PTPN9: variants seen among roughly 807,000 people sequenced by gnomAD.
PTPN9 encodes the protein tyrosine-protein phosphatase non-receptor type 9.
Under a neutral mutation model 69.8 loss-of-function variants are expected in PTPN9, and 26 were observed. That is an observed-to-expected ratio of 0.37 (90% confidence interval 0.27 to 0.52). The LOEUF (loss-of-function observed/expected upper bound fraction) is 0.52, where lower values mean the gene tolerates loss of function less well. PTPN9 is among the 20% of genes least tolerant of loss of function. The pLI, the probability that PTPN9 is intolerant of heterozygous loss-of-function variation, is 0.91. For synonymous variants in PTPN9, 274 were observed against 272.5 expected (o/e 1.01, Z -0.05); for missense variants, 549 against 740.3 (o/e 0.74, Z 3.00).
Position 75,523,232 on chromosome 15 carries a change from G to A in PTPN9, c.311C>T (p.Pro104Leu). ...AAAGAGGGCAATGGAGGCTCCTGTT[G>A]GGTCCCGAACATTCTAAAGCAAATA... ...GKFTILNVRDPTGASIALFTA... is the reference protein window; with the variant it reads ...GKFTILNVRDLTGASIALFTA... The change falls in exon 4 of 13, where the codon CCA becomes CTA. Residue 104 changes from proline to leucine, a missense_variant. Pro to Leu is a moderately conservative substitution (Grantham distance 98). This residue lies in a region of PTPN9 where 457 missense variants were observed against 661.9 expected (regional missense o/e 0.69). Coordinates refer to ENST00000618819, the MANE Select transcript of PTPN9 (RefSeq NM_002833.4). 6.2e-7 allele frequency: 1 copy of A among 1,613,768 alleles called. No individual in the cohort carries two copies. The highest frequency in any genetic ancestry group is 8.5e-7 in the Non-Finnish European group (1 of 1,179,908).
intron 1 of PTPN9, among the ~76,000 whole-genome samples, chr15:75,559,768 C>CAAAAAA (rs5813803): frequency 8.4e-5 from 8 of 94,900 alleles, no homozygotes; most frequent in South Asian, 3.2e-4. Context: ...GAATGGTCAA[C>CAAAAAA]AAAAAAAAAA....
chr15:75,532,045 GAA>G (rs1052675847), intron 1 of PTPN9, among the ~76,000 whole-genome samples: 3 of 152,108 alleles, frequency 2.0e-5, no homozygotes, highest in Non-Finnish European at 2.9e-5. Flanking sequence ...AGTAGAAGTG[GAA>G]AATGTAAATG....
chr15:75,477,833 C>CTTTTTTTTTT (rs1196645006), intron 9 of PTPN9, among the ~76,000 whole-genome samples: 1 of 91,798 alleles, frequency 1.1e-5, no homozygotes, highest in Non-Finnish European at 2.1e-5. Context: ...ATCAGATACT[C>CTTTTTTTTTT]TTTTTTTTTT....
Position 75,468,287 on chromosome 15 carries a change from GCC to G in PTPN9, c.*480_*481del, listed in dbSNP as rs2074545900. 6.0e-6 allele frequency: 1 copy of G among 165,958 alleles called. No homozygotes were observed. Among genetic ancestry groups the G allele is most frequent in the Non-Finnish European group, 1.3e-5 (1 of 75,098 alleles). The allele number at this position is 165,958 out of a possible 1,614,324, so 10.3% of individuals were successfully genotyped here. A position where few individuals can be genotyped will look rare whatever the true frequency, so the allele number is the denominator to read the frequency against. The stretch of plus-strand genomic sequence containing the variant: ...AATGACAGAAAGGACTGGAATACAC[GCC>G]CTACTTATAAACGTGCTTGGCACTC... On this transcript the variant is annotated 3_prime_UTR_variant, in exon 13 of 13. Transcript: ENST00000618819.
intron 7 of PTPN9, among the ~76,000 whole-genome samples, chr15:75,492,966 C>A (rs1470914733): frequency 2.0e-5 from 3 of 151,934 alleles, no homozygotes; most frequent in African/African-American, 7.2e-5. Context: ...CCAGCCTGGG[C>A]AACATAGCAA....
Position 75,506,115 on chromosome 15 carries a change from G to C in PTPN9, c.640-112C>G. On this transcript the variant is annotated intron_variant, in intron 6 of 12. Coordinates refer to ENST00000618819, the MANE Select transcript of PTPN9 (RefSeq NM_002833.4). ...TTGGAGGATGGGATAAGATTTTCTT[G>C]AAATACAAGGTATACTTGTAAAAGT... 3 of 803,004 alleles carry C rather than the reference G, an allele frequency of 3.7e-6. No homozygotes were observed. In the South Asian group the frequency reaches 5.5e-5, roughly 15 times the overall value. The allele number at this position is 803,004 out of a possible 1,614,324, so 49.7% of individuals were successfully genotyped here.
intron 1 of PTPN9, among the ~76,000 whole-genome samples, chr15:75,538,198 C>T (rs12708520): frequency 0.35 from 53,228 of 151,860 alleles, 10,584 homozygotes; most frequent in African/African-American, 0.53. Context: ...TTTATGTTAA[C>T]AGGAAAGGAA....
intron 1 of PTPN9, among the ~76,000 whole-genome samples, chr15:75,547,526 CATCCAA>C (rs2075038882): frequency 6.6e-6 from 1 of 152,046 alleles, no homozygotes; most frequent in Non-Finnish European, 1.5e-5. Flanking sequence ...TACATTTTCT[CATCCAA>C]AAAAGGAAAC....
At chr15:75,499,314 A>G (rs2074760272) in intron 7 of PTPN9, among the ~76,000 whole-genome samples, 1 of 151,738 alleles carries the variant, frequency 6.6e-6, no homozygotes, top group Non-Finnish European at 1.5e-5. Context: ...AAGACTAGGA[A>G]GTCCTCTCAT....
chr15:75,539,962 G>A (rs1398359961), intron 1 of PTPN9, among the ~76,000 whole-genome samples: 1 of 152,214 alleles, frequency 6.6e-6, no homozygotes, highest in African/African-American at 2.4e-5. Context: ...TTATAGGCAA[G>A]AGCCGCCACG....
chr15:75,532,850 T>G (rs1263550589), intron 1 of PTPN9, among the ~76,000 whole-genome samples: 1 of 152,212 alleles, frequency 6.6e-6, no homozygotes, highest in Non-Finnish European at 1.5e-5. Context: ...TTTAGACAGT[T>G]AATCAGATTT....
chr15:75,476,017 T>C (rs989553290), intron 9 of PTPN9, among the ~76,000 whole-genome samples: 1 of 152,090 alleles, frequency 6.6e-6, no homozygotes, highest in African/African-American at 2.4e-5. Flanking sequence ...CACATGCCTG[T>C]AGTCCCAGCT....
intron 11 of PTPN9, 29 bp from the exon 12 acceptor site, chr15:75,470,028 C>G: frequency 1.3e-6 from 2 of 1,572,476 alleles, no homozygotes. Context: ...TAAACGTTAA[C>G]AAGGTTATTT....
intron 1 of PTPN9, among the ~76,000 whole-genome samples, chr15:75,544,447 T>G (rs1482930661): frequency 6.6e-6 from 1 of 152,166 alleles, no homozygotes. Flanking sequence ...GGAGGATCAC[T>G]TGAGCCTGGG....
At chr15:75,567,924 A>C (rs773775726) in intron 1 of PTPN9, among the ~76,000 whole-genome samples, 11 of 149,940 alleles carry the variant, frequency 7.3e-5, no homozygotes, top group Non-Finnish European at 1.6e-4. Flanking sequence ...TTAACCCGGG[A>C]GGTGGAGCTT....
At chr15:75,529,167 A>T (rs1332134032) in intron 1 of PTPN9, among the ~76,000 whole-genome samples, 2 of 151,344 alleles carry the variant, frequency 1.3e-5, no homozygotes, top group African/African-American at 4.9e-5. Flanking sequence ...TTGTATTTTT[A>T]GTAGAGGCAA....
intron 1 of PTPN9, among the ~76,000 whole-genome samples, chr15:75,552,943 C>A (rs2075062292): frequency 6.6e-6 from 1 of 151,598 alleles, no homozygotes; most frequent in Non-Finnish European, 1.5e-5. Flanking sequence ...GTGCAATGGG[C>A]TAGAATGGTA....
chr15:75,552,689 T>C (rs942511760), intron 1 of PTPN9, among the ~76,000 whole-genome samples: 2 of 151,078 alleles, frequency 1.3e-5, no homozygotes, highest in African/African-American at 4.9e-5. Context: ...TTTCAACTTA[T>C]GATATTTTCA....
intron 1 of PTPN9, among the ~76,000 whole-genome samples, chr15:75,566,981 T>C (rs1388398681): frequency 6.6e-6 from 1 of 151,700 alleles, no homozygotes; most frequent in African/African-American, 2.4e-5. Context: ...CAGAAACATA[T>C]GATCATTGTA....
Sources: allele counts gnomAD v4.1 joint callset (sites outside exome capture counted in the v4.1 genomes callset), GRCh38; gene constraint gnomAD v4.1.1; regional missense constraint gnomAD v4.1.1; transcripts MANE v1.5; gene names NCBI Gene and HGNC (gene_info 2026-07-23, HGNC 2026-07-21).